Variants in COL28A1 observed in about 807,000 individuals in gnomAD.
The protein encoded by COL28A1 is collagen alpha-1(XXVIII) chain.
A neutral mutation model predicts 150.2 loss-of-function variants in COL28A1; 161 were observed. That is an observed-to-expected ratio of 1.07 (90% confidence interval 0.94 to 1.22). The LOEUF is 1.22. COL28A1 is among the 50% of genes most tolerant of loss of function. The probability of loss-of-function intolerance (pLI) is 0.00; values close to 1 mark genes in which losing one functional copy is unlikely to be tolerated. For synonymous variants in COL28A1, 552 were observed against 469.7 expected (o/e 1.18, Z -2.26); for missense variants, 1,617 against 1,388.3 (o/e 1.16, Z -2.62).
In COL28A1 at chr7:7,532,884, A is replaced by G; in HGVS notation, c.-9T>C. ...AAATATCTGTTCCACATTATGGTAG[A>G]TGGTGAAAAATCATCTGTCTTGTAG... On this transcript the variant is annotated 5_prime_UTR_variant, in exon 2 of 35. Transcript: ENST00000399429. 2 of 1,592,082 alleles carry G rather than the reference A, an allele frequency of 1.3e-6. No individual in the cohort carries two copies. Among genetic ancestry groups the G allele is most frequent in the Non-Finnish European group, 1.7e-6 (2 of 1,173,568 alleles).
the COL28A1 span, among the ~76,000 whole-genome samples, chr7:7,350,655 C>CTTTTTT: frequency 4.3e-5 from 5 of 115,092 alleles, no homozygotes; most frequent in East Asian, 1.4e-3. Flanking sequence ...GTTTTCTTTC[C>CTTTTTT]TTTTTTTTTT....
chr7:7,347,252 C>T, the COL28A1 span, among the ~76,000 whole-genome samples: 1 of 152,076 alleles, frequency 6.6e-6, no homozygotes, highest in Non-Finnish European at 1.5e-5. Flanking sequence ...CCTGTTACAG[C>T]CTCCTTTGAA....
At chr7:7,385,768 C>T (rs928289473) in intron 27 of COL28A1, among the ~76,000 whole-genome samples, 2 of 152,182 alleles carry the variant, frequency 1.3e-5, no homozygotes, top group Non-Finnish European at 2.9e-5. Flanking sequence ...TTCTATATAA[C>T]TGTTAACACT....
intron 33 of COL28A1, among the ~76,000 whole-genome samples, chr7:7,369,227 T>A (rs747207642): frequency 6.6e-6 from 1 of 152,108 alleles, no homozygotes; most frequent in Non-Finnish European, 1.5e-5. Flanking sequence ...CGGTCCATGC[T>A]CAGGAGGAGA....
chr7:7,444,493 G>A lies in COL28A1; in HGVS notation c.1510-4C>T, dbSNP rs748193320. 2 of 1,613,088 alleles carry A rather than the reference G, an allele frequency of 1.2e-6. No homozygotes were observed. The highest frequency in any genetic ancestry group is 1.7e-6 in the Non-Finnish European group (2 of 1,179,502). Reference sequence around the variant, plus strand: ...GCCCTATTGAGCCTGGCTCTCCCTGGTGAATGAACAAATATTTTATTTCCC... The same window carrying A: ...GCCCTATTGAGCCTGGCTCTCCCTGATGAATGAACAAATATTTTATTTCCC... On this transcript the variant is annotated splice_polypyrimidine_tract_variant and splice_region_variant and intron_variant, in intron 18 of 34. Coordinates refer to ENST00000399429, the MANE Select transcript of COL28A1 (RefSeq NM_001037763.3).
intron 11 of COL28A1, among the ~76,000 whole-genome samples, chr7:7,493,112 T>C (rs898913206): frequency 6.7e-6 from 1 of 149,948 alleles, no homozygotes; most frequent in South Asian, 2.1e-4. Flanking sequence ...CACTGCTGAA[T>C]TTGTCTGGCT....
rs190641205 is a variant in COL28A1 at position 7,385,998 on chromosome 7, A to G, written c.2137-4386T>C. On this transcript the variant is annotated intron_variant, in intron 27 of 34. Coordinates refer to ENST00000399429, the MANE Select transcript of COL28A1 (RefSeq NM_001037763.3). ...ATAAGTCTCAGGAAAATGATAAACA[A>G]TGATTTGAGTGTGGGTCAGAAACAA... Among the ~76,000 whole-genome samples, 18 of 152,348 alleles carry G rather than the reference A, an allele frequency of 1.2e-4. No homozygotes were observed. The East Asian group carries it at 3.5e-3, about 29-fold the overall frequency.
chr7:7,511,199 TG>T, intron 8 of COL28A1, 64 bp from the exon 9 acceptor site: 1 of 1,313,938 alleles, frequency 7.6e-7, no homozygotes, highest in East Asian at 2.3e-5. Context: ...TAAGAATGTT[TG>T]TTTGTTTGTT....
At chr7:7,489,023 G>T (rs887880947) in intron 13 of COL28A1, among the ~76,000 whole-genome samples, 5 of 152,134 alleles carry the variant, frequency 3.3e-5, no homozygotes, top group African/African-American at 1.2e-4. Flanking sequence ...ATGCAAGGTG[G>T]TTGGGAGGCT....
rs1471930526 is a variant in COL28A1 at position 7,531,822 on chromosome 7, A to G, written c.207T>C (p.Asp69=). Residue 69 remains aspartate (D), a synonymous_variant, in exon 3 of 35, where the codon GAT becomes GAC. Coordinates refer to ENST00000399429, the MANE Select transcript of COL28A1 (RefSeq NM_001037763.3). ...SKIALFDKQK[D]FVDSLSDKIF... is the part of the protein sequence containing the mutation. The stretch of plus-strand genomic sequence containing the variant: ...TCTTGTCACTCAAGCTATCCACAAA[A>G]TCTTTCTGTTTATCAAAGAGGGCAA... 1.2e-6 allele frequency: 2 copies of G among 1,605,322 alleles called. No homozygotes were observed. Among genetic ancestry groups the G allele is most frequent in the Admixed American group, 3.3e-5 (2 of 60,008 alleles).
chr7:7,445,934 C>T (rs1786226547), intron 18 of COL28A1, among the ~76,000 whole-genome samples: 1 of 151,476 alleles, frequency 6.6e-6, no homozygotes, highest in Non-Finnish European at 1.5e-5. Flanking sequence ...TCTCAGCTCA[C>T]CGCTACCTCC....
chr7:7,429,553 A>G (rs1784836217), intron 25 of COL28A1, among the ~76,000 whole-genome samples: 1 of 151,964 alleles, frequency 6.6e-6, no homozygotes, highest in Non-Finnish European at 1.5e-5. Context: ...AGAAATTTTG[A>G]AGCCCCTGTA....
At chr7:7,381,471 G>T in intron 28 of COL28A1, 73 bp downstream of exon 28, 1 of 1,070,836 alleles carries the variant, frequency 9.3e-7, no homozygotes, top group Non-Finnish European at 1.4e-6. Context: ...ATATATGAGA[G>T]TTCTTCCAAA....
intron 15 of COL28A1, among the ~76,000 whole-genome samples, chr7:7,457,963 C>T (rs1200647955): frequency 5.9e-5 from 9 of 152,248 alleles, no homozygotes; most frequent in South Asian, 2.1e-4. Flanking sequence ...TGATGTCTCT[C>T]GTAATTGATC....
rs781585390 is a variant in COL28A1 at position 7,452,358 on chromosome 7, G to T, written c.1470C>A (p.Gly490=). The part of the protein sequence containing the change: ...KGEVGQMGPT[G]PRGPVGIGVQ... Reference sequence around the variant, plus strand: ...CTCCAATTCCCACTGGTCCTCGAGGGCCTGTAGGTCCCATTTGGCCTACTT... The same window carrying T: ...CTCCAATTCCCACTGGTCCTCGAGGTCCTGTAGGTCCCATTTGGCCTACTT... Residue 490 remains glycine, a synonymous_variant, in exon 18 of 35, where the codon GGC becomes GGA. Transcript: ENST00000399429. 4.4e-6 allele frequency: 7 copies of T among 1,604,864 alleles called. No homozygotes were observed. The South Asian group carries it at 7.9e-5, about 18-fold the overall frequency.
At chr7:7,526,369 C>CA (rs1782024972) in intron 3 of COL28A1, among the ~76,000 whole-genome samples, 1 of 151,974 alleles carries the variant, frequency 6.6e-6, no homozygotes, top group African/African-American at 2.4e-5. Flanking sequence ...ACAAAATTTC[C>CA]AAAAAAACAT....
At position 7,364,899 on chromosome 7, in the gene COL28A1, C is replaced by A. The variant is rs180871660; in HGVS notation, c.3067-4371G>T. 4.3e-3 allele frequency among the ~76,000 whole-genome samples: 661 copies of A among 152,210 alleles called. 8 individuals carry two copies. In the Middle Eastern group the frequency reaches 0.051, roughly 12 times the overall value. ...TTAAATAAATTCACAATGGGTTAAT[C>A]TTTCTGTTACACTCGTCTTCAGGTT... On this transcript the variant is annotated intron_variant, in intron 33 of 34. Transcript: ENST00000399429.
chr7:7,463,624 G>C (rs141262944), intron 15 of COL28A1, among the ~76,000 whole-genome samples: 4,381 of 152,268 alleles, frequency 0.029, 82 homozygotes, highest in Non-Finnish European at 0.048. Context: ...CAAATGCTGA[G>C]AGAATTTGCC....
chr7:7,440,781 G>T lies in COL28A1; in HGVS notation c.1722+9C>A, dbSNP rs187100954. ...CCTCAAAGCGTAAGTCAGAATACAA[G>T]AAACATACCTTTGGTCCTTCGGGCC... On this transcript the variant is annotated intron_variant, in intron 21 of 34. Transcript: ENST00000399429. 3.1e-5 allele frequency: 40 copies of T among 1,295,798 alleles called. No individual in the cohort carries two copies. In the East Asian group the frequency reaches 8.6e-4, roughly 28 times the overall value. 80.3% of individuals were successfully genotyped at this position (1,295,798 alleles called of 1,614,324 possible).
Sources: allele counts gnomAD v4.1 joint callset (sites outside exome capture counted in the v4.1 genomes callset), GRCh38; gene constraint gnomAD v4.1.1; transcripts MANE v1.5; gene names NCBI Gene and HGNC (gene_info 2026-07-23, HGNC 2026-07-21).